Variants in LY86 observed in about 807,000 individuals in gnomAD.
LY86 encodes lymphocyte antigen 86.
Under a neutral mutation model 17.3 loss-of-function variants are expected in LY86, and 20 were observed. That is an observed-to-expected ratio of 1.15 (90% CI 0.81 to 1.68). The LOEUF (loss-of-function observed/expected upper bound fraction) is 1.68, where lower values mean the gene tolerates loss of function less well. Ranked by LOEUF, LY86 falls within the 40% of genes most tolerant of loss-of-function variation. LY86 has a pLI of 0.00. For missense variants in LY86, 200 were observed against 191.9 expected (o/e 1.04, Z -0.25); for synonymous variants, 74 against 70.6 (o/e 1.05, Z -0.24).
At chr6:6,612,235 T>C (rs1226467796) in intron 1 of LY86, among the ~76,000 whole-genome samples, 1 of 152,224 alleles carries the variant, frequency 6.6e-6, no homozygotes, top group Non-Finnish European at 1.5e-5. Flanking sequence ...CAAGAGGGCG[T>C]GTCCAGAGTT....
intron 1 of LY86, among the ~76,000 whole-genome samples, chr6:6,604,333 CTTCT>C (rs1286727865): frequency 2.0e-5 from 3 of 151,664 alleles, no homozygotes; most frequent in East Asian, 1.9e-4. Flanking sequence ...AAATGTATAG[CTTCT>C]TTAATTAAAA....
At chr6:6,613,360 A>G (rs1761449528) in intron 1 of LY86, among the ~76,000 whole-genome samples, 1 of 152,202 alleles carries the variant, frequency 6.6e-6, no homozygotes, top group Non-Finnish European at 1.5e-5. Flanking sequence ...TGGCCTGCTC[A>G]TAAGCTCACA....
chr6:6,605,361 G>A lies in LY86; in HGVS notation c.136+16491G>A, dbSNP rs569020733. ...AAAGGTGATGAAGTAGTCAATTCTAGGCTTGGCTGGGGGAGCAGCTGCTTC... is the reference window on the plus strand; with the variant it reads ...AAAGGTGATGAAGTAGTCAATTCTAAGCTTGGCTGGGGGAGCAGCTGCTTC... On this transcript the variant is annotated intron_variant, in intron 1 of 4. Transcript: ENST00000230568. 8.5e-5 allele frequency among the ~76,000 whole-genome samples: 13 copies of A among 152,350 alleles called. No individual in the cohort carries two copies. The South Asian group carries it at 1.7e-3, about 19-fold the overall frequency.
chr6:6,635,251 G>T (rs1345829302), intron 3 of LY86, among the ~76,000 whole-genome samples: 1 of 152,126 alleles, frequency 6.6e-6, no homozygotes, highest in African/African-American at 2.4e-5. Flanking sequence ...GCCATGAATA[G>T]TAACAAATTT....
intron 1 of LY86, among the ~76,000 whole-genome samples, chr6:6,595,884 TGTGTGG>T (rs1760697530): frequency 1.3e-5 from 2 of 152,142 alleles, no homozygotes; most frequent in African/African-American, 2.4e-5. Context: ...TATTCAGCAG[TGTGTGG>T]AGGGCTGTGG....
intron 1 of LY86, among the ~76,000 whole-genome samples, chr6:6,608,418 C>A (rs188040511): frequency 3.9e-5 from 6 of 152,222 alleles, no homozygotes; most frequent in African/African-American, 1.2e-4. Flanking sequence ...GTATCGACTA[C>A]AATTGTGTCC....
chr6:6,601,951 C>A (rs7763349), intron 1 of LY86, among the ~76,000 whole-genome samples: 2 of 152,160 alleles, frequency 1.3e-5, no homozygotes, highest in African/African-American at 4.8e-5. Flanking sequence ...TTCAACATTG[C>A]GCAGACCAAC....
chr6:6,601,563 A>G (rs1238259675), intron 1 of LY86, among the ~76,000 whole-genome samples: 2 of 152,120 alleles, frequency 1.3e-5, no homozygotes. Context: ...TCTACTAAAT[A>G]CAAGAAATTA....
At chr6:6,607,401 GATTT>G (rs1438335693) in intron 1 of LY86, among the ~76,000 whole-genome samples, 1 of 152,114 alleles carries the variant, frequency 6.6e-6, no homozygotes, top group Non-Finnish European at 1.5e-5. Flanking sequence ...TTATTTTTAA[GATTT>G]ATTAAGATAT....
chr6:6,601,435 A>C (rs912144288), intron 1 of LY86, among the ~76,000 whole-genome samples: 8 of 152,194 alleles, frequency 5.3e-5, no homozygotes, highest in Non-Finnish European at 1.0e-4. Flanking sequence ...TGCAATATAC[A>C]CTAGAGGCCG....
At chr6:6,597,328 GAC>G (rs1358963815) in intron 1 of LY86, among the ~76,000 whole-genome samples, 2 of 152,228 alleles carry the variant, frequency 1.3e-5, no homozygotes, top group Non-Finnish European at 2.9e-5. Flanking sequence ...GCTCCAGGTG[GAC>G]AGAGGTTGTC....
intron 3 of LY86, among the ~76,000 whole-genome samples, chr6:6,642,003 C>T (rs941739850): frequency 1.3e-5 from 2 of 152,262 alleles, no homozygotes; most frequent in Non-Finnish European, 2.9e-5. Context: ...CACATCCCTG[C>T]ACTTCCCAGT....
rs961124195 is a variant in LY86 at position 6,638,211 on chromosome 6, G to A, written c.353-11414G>A. Among the ~76,000 whole-genome samples, 5 of 152,230 alleles carry A rather than the reference G, an allele frequency of 3.3e-5. No individual in the cohort carries two copies. The East Asian group carries it at 5.8e-4, about 18-fold the overall frequency. On this transcript the variant is annotated intron_variant, in intron 3 of 4. Transcript: ENST00000230568. ...ATACACACCGGATTTTGAAGACTTA[G>A]TACAAAGTATGAAAAAAATAATGTA...
intron 1 of LY86, among the ~76,000 whole-genome samples, chr6:6,611,461 A>G (rs1258215740): frequency 6.6e-6 from 1 of 152,224 alleles, no homozygotes; most frequent in Non-Finnish European, 1.5e-5. Context: ...TCAGAACAGG[A>G]CCTGCTGTGG....
At chr6:6,622,198 CAAT>C (rs1018289928) in intron 1 of LY86, among the ~76,000 whole-genome samples, 31 of 152,332 alleles carry the variant, frequency 2.0e-4, no homozygotes, top group East Asian at 9.6e-4. Flanking sequence ...TTCCTAACAA[CAAT>C]GTGTTTCTAG....
intron 1 of LY86, among the ~76,000 whole-genome samples, chr6:6,600,587 CAAAAAAAAAAAAAAA>C (rs59560744): frequency 0.43 from 35,458 of 82,430 alleles, 8,044 homozygotes; most frequent in Non-Finnish European, 0.49. Context: ...GAGACTCCAT[CAAAAAAAAAAAAAAA>C]AAAAAAAAAA....
At chr6:6,645,242 A>G (rs1296478843) in intron 3 of LY86, among the ~76,000 whole-genome samples, 2 of 152,198 alleles carry the variant, frequency 1.3e-5, no homozygotes, top group African/African-American at 2.4e-5. Flanking sequence ...CTCATTGCGT[A>G]TTTCAGCATC....
chr6:6,605,342 G>C (rs2113100561), intron 1 of LY86, among the ~76,000 whole-genome samples: 1 of 152,356 alleles, frequency 6.6e-6, no homozygotes, highest in South Asian at 2.1e-4. Context: ...GGGAAAAGGT[G>C]ATGAAGTAGT....
At position 6,614,707 on chromosome 6, in the gene LY86, G is replaced by A. The variant is rs537442365; in HGVS notation, c.137-10219G>A. ...CTCAAATCTTTTCATGCCTAAGATC[G>A]TGCTTGGCAGAGAGTCGATGCTCAG... On this transcript the variant is annotated intron_variant, in intron 1 of 4. Transcript: ENST00000230568. Among the ~76,000 whole-genome samples the A allele has an allele frequency of 2.0e-5, 3 of 151,890 alleles. No homozygotes were observed. The South Asian group carries it at 6.2e-4, about 32-fold the overall frequency.
Sources: gnomAD v4.1 joint callset for allele counts (sites outside exome capture counted in the v4.1 genomes callset) on GRCh38, gnomAD v4.1.1 for gene constraint, MANE v1.5 for transcripts, NCBI Gene and HGNC (gene_info 2026-07-23, HGNC 2026-07-21) for gene names.